The following RANBP2 variants were observed in gnomAD, a reference collection of about 807,000 sequenced individuals.
RANBP2 encodes the protein E3 SUMO-protein ligase RanBP2.
Under a neutral mutation model 303.6 loss-of-function variants are expected in RANBP2, and 57 were observed. The ratio of observed to expected loss-of-function variants is 0.19; its 90% CI spans 0.15 to 0.23. The LOEUF (loss-of-function observed/expected upper bound fraction) is 0.23, where lower values mean the gene tolerates loss of function less well. Among genes scored for constraint, RANBP2 ranks in the 10% least tolerant of loss-of-function variants. RANBP2 has a pLI of 1.00. For synonymous variants in RANBP2, 1,167 were observed against 1,301.5 expected (o/e 0.90, Z 2.23); for missense variants, 3,138 against 3,780.8 (o/e 0.83, Z 4.46).
At chr2:109,400,592 T>TACACAC in the RANBP2 span, among the ~76,000 whole-genome samples, 3 of 131,942 alleles carry the variant, frequency 2.3e-5, no homozygotes, top group South Asian at 2.5e-4. Flanking sequence ...CACACACACT[T>TACACAC]GTGAACTTAT....
chr2:108,790,389 T>C (rs1319560327), downstream of RANBP2, among the ~76,000 whole-genome samples: 2 of 152,206 alleles, frequency 1.3e-5, no homozygotes, highest in Non-Finnish European at 2.9e-5. Flanking sequence ...TTTCATAACA[T>C]TGGACCCCTA....
the RANBP2 span, among the ~76,000 whole-genome samples, chr2:109,252,587 A>G: frequency 3.9e-5 from 6 of 152,248 alleles, no homozygotes; most frequent in African/African-American, 1.4e-4. Context: ...GAATGAGTTA[A>G]GATGGATTAT....
At chr2:109,093,567 A>G in the RANBP2 span, among the ~76,000 whole-genome samples, 1 of 152,148 alleles carries the variant, frequency 6.6e-6, no homozygotes, top group Admixed American at 6.5e-5. Context: ...GTAGAATTTA[A>G]AAGCCAGAAA....
chr2:109,521,574 C>T, the RANBP2 span, among the ~76,000 whole-genome samples: 8,307 of 152,260 alleles, frequency 0.055, 673 homozygotes, highest in East Asian at 0.24. Context: ...CTCGCGGTCC[C>T]GAGATTTCAC....
At chr2:108,978,200 G>A in the RANBP2 span, among the ~76,000 whole-genome samples, 6 of 152,190 alleles carry the variant, frequency 3.9e-5, no homozygotes, top group East Asian at 1.9e-4. Flanking sequence ...GGGGATAGAC[G>A]TGCATATCTT....
At chr2:109,364,040 A>T in the RANBP2 span, among the ~76,000 whole-genome samples, 2 of 151,890 alleles carry the variant, frequency 1.3e-5, no homozygotes, top group Non-Finnish European at 2.9e-5. Context: ...TATTGTTTCA[A>T]ATATTCCTTC....
the RANBP2 span, among the ~76,000 whole-genome samples, chr2:109,028,279 TAAATA>T: frequency 3.3e-5 from 5 of 152,052 alleles, no homozygotes; most frequent in Non-Finnish European, 5.9e-5. Flanking sequence ...TCAAAAGAAA[TAAATA>T]AAATAAAAAC....
the RANBP2 span, among the ~76,000 whole-genome samples, chr2:109,644,753 C>T: frequency 6.6e-6 from 1 of 152,166 alleles, no homozygotes; most frequent in African/African-American, 2.4e-5. Flanking sequence ...CTGCGGCCTG[C>T]CCTCCACTTT....
chr2:109,094,245 G>A, the RANBP2 span, among the ~76,000 whole-genome samples: 33 of 152,218 alleles, frequency 2.2e-4, no homozygotes, highest in African/African-American at 6.7e-4. Context: ...TTGGCTTTGC[G>A]TTGCCTTGAA....
At chr2:108,883,526 G>C in the RANBP2 span, 110,760 of 152,204 alleles carry the variant, frequency 0.73, 43,092 homozygotes, top group East Asian at 0.95. Context: ...TCCCAGGGTT[G>C]GCATGTTTGC....
At chr2:109,552,984 A>C in the RANBP2 span, 2 of 1,290,822 alleles carry the variant, frequency 1.5e-6, no homozygotes, top group Non-Finnish European at 2.1e-6. Context: ...TTAAAGAACA[A>C]GTAGCCTACA....
the RANBP2 span, among the ~76,000 whole-genome samples, chr2:109,630,190 A>G: frequency 6.6e-6 from 1 of 152,176 alleles, no homozygotes; most frequent in Admixed American, 6.5e-5. Context: ...GTGCACATAT[A>G]TATATATTTA....
chr2:109,120,972 C>T, the RANBP2 span, among the ~76,000 whole-genome samples: 7 of 152,156 alleles, frequency 4.6e-5, no homozygotes, highest in African/African-American at 1.2e-4. Context: ...TCTGGCTGGG[C>T]GCGGTGGCTC....
the RANBP2 span, among the ~76,000 whole-genome samples, chr2:109,583,655 T>C: frequency 1.3e-5 from 2 of 152,014 alleles, no homozygotes; most frequent in Non-Finnish European, 2.9e-5. Flanking sequence ...CAAAAGAAAA[T>C]ACCTCATTCT....
chr2:108,856,021 G>A, the RANBP2 span, among the ~76,000 whole-genome samples: 20 of 152,132 alleles, frequency 1.3e-4, no homozygotes, highest in African/African-American at 4.6e-4. Flanking sequence ...AAAGCACAAG[G>A]TAAGACTGCT....
At chr2:109,597,022 C>G in the RANBP2 span, among the ~76,000 whole-genome samples, 12 of 151,890 alleles carry the variant, frequency 7.9e-5, no homozygotes, top group Non-Finnish European at 1.5e-4. Flanking sequence ...CGACTGACAG[C>G]CGAGATCCTC....
the RANBP2 span, among the ~76,000 whole-genome samples, chr2:109,598,377 CTTGACT>C: frequency 6.6e-6 from 1 of 151,934 alleles, no homozygotes; most frequent in Non-Finnish European, 1.5e-5. Context: ...CCTATAATCA[CTTGACT>C]TTAACTTCAC....
the RANBP2 span, among the ~76,000 whole-genome samples, chr2:108,974,500 G>C: frequency 2.6e-5 from 4 of 151,908 alleles, no homozygotes; most frequent in Non-Finnish European, 5.9e-5. Context: ...GGGAGGCCAA[G>C]GGGGGTGGAT....
At chr2:109,488,553 C>T in the RANBP2 span, among the ~76,000 whole-genome samples, 1 of 152,198 alleles carries the variant, frequency 6.6e-6, no homozygotes, top group Non-Finnish European at 1.5e-5. Flanking sequence ...CACTCCCTGC[C>T]CCCAGGCACC....
Sources: allele counts gnomAD v4.1 joint callset (sites outside exome capture counted in the v4.1 genomes callset), GRCh38; gene constraint gnomAD v4.1.1; transcripts MANE v1.5; gene names NCBI Gene and HGNC (gene_info 2026-07-23, HGNC 2026-07-21).